Variants in FABP2 observed in about 807,000 individuals in gnomAD.
FABP2 encodes fatty acid-binding protein, intestinal.
A neutral mutation model predicts 16.1 loss-of-function variants in FABP2; 11 were observed. The ratio of observed to expected loss-of-function variants is 0.68; its 90% CI spans 0.43 to 1.13. The LOEUF is 1.13. Among genes scored for constraint, FABP2 ranks in the 50% most tolerant of loss-of-function variants. The probability of loss-of-function intolerance (pLI) is 0.00; values close to 1 mark genes in which losing one functional copy is unlikely to be tolerated. For missense variants in FABP2, 146 were observed against 155.1 expected (o/e 0.94, Z 0.31); for synonymous variants, 45 against 50.9 (o/e 0.88, Z 0.49).
chr4:119,321,841 A>G (rs1755674605), intron 1 of FABP2, among the ~76,000 whole-genome samples, 195 bp downstream of exon 1: 1 of 152,140 alleles, frequency 6.6e-6, no homozygotes, highest in Non-Finnish European at 1.5e-5. Flanking sequence ...CTTTTCTTCC[A>G]TTAGTGAGAT....
rs1005501487 is a variant in FABP2, at chr4:119,317,521, T to C, written c.*1520A>G. The C allele has an allele frequency of 2.0e-5, 3 of 152,128 alleles. No homozygotes were observed. The highest frequency in any genetic ancestry group is 7.2e-5 in the African/African-American group (3 of 41,436). 9.4% of individuals were successfully genotyped at this position (152,128 alleles called of 1,614,324 possible). On this transcript the variant is annotated 3_prime_UTR_variant, in exon 4 of 4. Coordinates refer to ENST00000274024, the MANE Select transcript of FABP2 (RefSeq NM_000134.4). ...CACGCAGTATTCAGCTTTCAAAGAT[T>C]ACATACTCTCTATTCATTTTCATCA... is the stretch of plus-strand genomic sequence containing the variant.
In FABP2 at chr4:119,320,651, TAAA is replaced by T. The variant is rs752229795; in HGVS notation, c.240+16_240+18del. On this transcript the variant is annotated intron_variant, in intron 2 of 3. Transcript: ENST00000274024. Reference sequence around the variant, plus strand: ...AGAAAAATCAAGAATGCATTGCTCATAAAAAAAAAAATTCTTACCCTGAGTTCA... The same window carrying T: ...AGAAAAATCAAGAATGCATTGCTCATAAAAAAAATTCTTACCCTGAGTTCA... 3.3e-6 allele frequency: 4 copies of T among 1,202,026 alleles called. No homozygotes were observed. The highest frequency in any genetic ancestry group is 4.5e-6 in the Non-Finnish European group (4 of 889,190). 74.5% of individuals were successfully genotyped at this position (1,202,026 alleles called of 1,614,324 possible).
chr4:119,317,364 A>G lies in FABP2; in HGVS notation c.*1677T>C, dbSNP rs1271260227. 6.6e-6 allele frequency: 1 copy of G among 152,082 alleles called. No individual in the cohort carries two copies. The highest frequency in any genetic ancestry group is 1.5e-5 in the Non-Finnish European group (1 of 67,984). The allele number at this position is 152,082 out of a possible 1,614,324, so 9.4% of individuals were successfully genotyped here. A position where few individuals can be genotyped will look rare whatever the true frequency, so the allele number is the denominator to read the frequency against. On this transcript the variant is annotated 3_prime_UTR_variant, in exon 4 of 4. Coordinates refer to ENST00000274024, the MANE Select transcript of FABP2 (RefSeq NM_000134.4). ...AACCATCACCCCCTGAATAATGTAC[A>G]TTGTACCCATTAAGTAAATTATCAT... is the stretch of plus-strand genomic sequence containing the variant.
intron 2 of FABP2, among the ~76,000 whole-genome samples, chr4:119,319,952 T>G (rs1484444484): frequency 1.3e-5 from 2 of 152,062 alleles, no homozygotes; most frequent in African/African-American, 4.8e-5. Flanking sequence ...GAGCAGCACT[T>G]CTTTCTGAAT....
chr4:119,318,959 T>G lies in FABP2; in HGVS notation c.*82A>C. 2 of 1,101,346 alleles carry G rather than the reference T, an allele frequency of 1.8e-6. No individual in the cohort carries two copies. The highest frequency in any genetic ancestry group is 2.7e-6 in the Non-Finnish European group (2 of 747,642). The allele number at this position is 1,101,346 out of a possible 1,614,324, so 68.2% of individuals were successfully genotyped here. On this transcript the variant is annotated 3_prime_UTR_variant, in exon 4 of 4. Transcript: ENST00000274024. ...ACCAATCAATCAGTAACCTTATACT[T>G]GATGGGGTGAAATAAATAGTTCTGG...
At chr4:119,321,076 T>C (rs1488291635) in intron 1 of FABP2, among the ~76,000 whole-genome samples, 1 of 152,112 alleles carries the variant, frequency 6.6e-6, no homozygotes, top group Non-Finnish European at 1.5e-5. Context: ...TACAGAATTA[T>C]AGAATCTTAG....
chr4:119,321,323 A>G lies in FABP2; in HGVS notation c.68-481T>C, dbSNP rs555081956. ...TTCTTGTGGCATTTCTTTCTGACAC[A>G]AAAATGAGAAAATTAGCAAATATTA... On this transcript the variant is annotated intron_variant, in intron 1 of 3. Coordinates refer to ENST00000274024, the MANE Select transcript of FABP2 (RefSeq NM_000134.4). 3.3e-5 allele frequency among the ~76,000 whole-genome samples: 5 copies of G among 152,200 alleles called. No individual in the cohort carries two copies. The South Asian group carries it at 1.0e-3, about 32-fold the overall frequency.
At chr4:119,320,586 C>T in intron 2 of FABP2, 84 bp downstream of exon 2, 1 of 1,105,022 alleles carries the variant, frequency 9.0e-7, no homozygotes, top group African/African-American at 1.6e-5. Flanking sequence ...TTAATTAAAC[C>T]ATCCAATGAA....
chr4:119,318,946 G>A lies in FABP2; in HGVS notation c.*95C>T. 1 of 937,928 alleles carries A rather than the reference G, an allele frequency of 1.1e-6. No individual in the cohort carries two copies. Among genetic ancestry groups the A allele is most frequent in the South Asian group, 1.6e-5 (1 of 61,054 alleles). 58.1% of individuals were successfully genotyped at this position (937,928 alleles called of 1,614,324 possible). A position where few individuals can be genotyped will look rare whatever the true frequency, so the allele number is the denominator to read the frequency against. ...TGTTTATAAAAGGACCAATCAATCA[G>A]TAACCTTATACTTGATGGGGTGAAA... is the stretch of plus-strand genomic sequence containing the variant. On this transcript the variant is annotated 3_prime_UTR_variant, in exon 4 of 4. Transcript: ENST00000274024.
At chr4:119,321,915 CCTCTCTA>C (rs1755675617) in intron 1 of FABP2, 114 bp downstream of exon 1, 2 of 706,328 alleles carry the variant, frequency 2.8e-6, no homozygotes, top group Non-Finnish European at 4.8e-6. Flanking sequence ...TCTTCTGGAT[CCTCTCTA>C]CCACATCAGG....
intron 3 of FABP2, 69 bp downstream of exon 3, chr4:119,319,467 C>A: frequency 1.2e-6 from 1 of 855,388 alleles, no homozygotes; most frequent in East Asian, 3.0e-5. Flanking sequence ...TCTGGCTCAG[C>A]AGTGACAAAA....
At chr4:119,320,502 T>C (rs2149498268) in intron 2 of FABP2, among the ~76,000 whole-genome samples, 168 bp downstream of exon 2, 1 of 152,222 alleles carries the variant, frequency 6.6e-6, no homozygotes, top group Non-Finnish European at 1.5e-5. Flanking sequence ...CATATTTAAA[T>C]ATCCTGCCAA....
chr4:119,317,362 A>G lies in FABP2; in HGVS notation c.*1679T>C, dbSNP rs369359999. The G allele has an allele frequency of 2.0e-5, 3 of 152,178 alleles. No individual in the cohort carries two copies. In the East Asian group the frequency reaches 5.8e-4, roughly 29 times the overall value. 9.4% of individuals were successfully genotyped at this position (152,178 alleles called of 1,614,324 possible). On this transcript the variant is annotated 3_prime_UTR_variant, in exon 4 of 4. Coordinates refer to ENST00000274024, the MANE Select transcript of FABP2 (RefSeq NM_000134.4). ...GTAACCATCACCCCCTGAATAATGT[A>G]CATTGTACCCATTAAGTAAATTATC...
intron 2 of FABP2, among the ~76,000 whole-genome samples, chr4:119,319,968 A>G (rs765148480): frequency 6.6e-6 from 1 of 151,996 alleles, no homozygotes; most frequent in Non-Finnish European, 1.5e-5. Context: ...TGAATCTTTC[A>G]TGTTACGTGT....
intron 3 of FABP2, 65 bp from the exon 4 acceptor site, chr4:119,319,156 GTAT>G (rs1755624489): frequency 2.9e-6 from 3 of 1,036,210 alleles, no homozygotes; most frequent in South Asian, 3.1e-5. Flanking sequence ...AGAAAAAGTA[GTAT>G]TATAGTTTTA....
rs755580947 is a variant in FABP2, at chr4:119,319,590, G to A, written c.294C>T (p.Asp98=). 14 of 1,540,790 alleles carry A rather than the reference G, an allele frequency of 9.1e-6. No individual in the cohort carries two copies. In the South Asian group the frequency reaches 1.5e-4, roughly 16 times the overall value. ...GGACAGTATTCAGTTCGTTTCCATT[G>A]TCTGTCCGTTTGAATTTTCCAATAA... ...NKLIGKFKRT[D]NGNELNTVRE... The change falls in exon 3 of 4, where the codon GAC becomes GAT. Residue 98 remains aspartate (D), a synonymous_variant. Coordinates refer to ENST00000274024, the MANE Select transcript of FABP2 (RefSeq NM_000134.4).
intron 2 of FABP2, among the ~76,000 whole-genome samples, 183 bp from the exon 3 acceptor site, chr4:119,319,826 C>G (rs1034929678): frequency 6.6e-6 from 1 of 151,924 alleles, no homozygotes; most frequent in Non-Finnish European, 1.5e-5. Context: ...CACAGTGATT[C>G]ACCTAAAGTC....
Position 119,319,647 on chromosome 4 carries a change from C to CGTAATA in FABP2, c.241-5_241-4insTATTAC. 2.5e-6 allele frequency: 2 copies of CGTAATA among 797,502 alleles called. No homozygotes were observed. The highest frequency in any genetic ancestry group is 4.9e-5 in the South Asian group (2 of 41,214). The allele number at this position is 797,502 out of a possible 1,614,324, so 49.4% of individuals were successfully genotyped here. On this transcript the variant is annotated splice_polypyrimidine_tract_variant and splice_region_variant and intron_variant, in intron 2 of 3. Coordinates refer to ENST00000274024, the MANE Select transcript of FABP2 (RefSeq NM_000134.4). ...TTCCCTCAAGGCTCCAGGTCCCCTA[C>CGTAATA]ATAATAATAATAATAATAATAATAA...
chr4:119,318,987 C>T lies in FABP2; in HGVS notation c.*54G>A, dbSNP rs914581707. 1 of 1,368,676 alleles carries T rather than the reference C, an allele frequency of 7.3e-7. No homozygotes were observed. Among genetic ancestry groups the T allele is most frequent in the African/African-American group, 1.5e-5 (1 of 67,554 alleles). The allele number at this position is 1,368,676 out of a possible 1,614,324, so 84.8% of individuals were successfully genotyped here. ...TGGGGTGAAATAAATAGTTCTGGTA[C>T]AATATAGATCTTCTGTCCAATTTGT... On this transcript the variant is annotated 3_prime_UTR_variant, in exon 4 of 4. Transcript: ENST00000274024.
Sources: gnomAD v4.1 joint callset for allele counts (sites outside exome capture counted in the v4.1 genomes callset) on GRCh38, gnomAD v4.1.1 for gene constraint, MANE v1.5 for transcripts, NCBI Gene and HGNC (gene_info 2026-07-23, HGNC 2026-07-21) for gene names.